GCNT4: variants seen among roughly 807,000 people sequenced by gnomAD.
GCNT4 encodes glucosaminyl (N-acetyl) transferase 4.
GCNT4 carries 17 observed loss-of-function variants against 31.3 expected under a neutral mutation model. The observed-to-expected ratio is 0.54, with a 90% CI of 0.37 to 0.81. The LOEUF (loss-of-function observed/expected upper bound fraction) is 0.81, where lower values mean the gene tolerates loss of function less well. Among genes scored for constraint, GCNT4 ranks in the 40% least tolerant of loss-of-function variants. The pLI, the probability that GCNT4 is intolerant of heterozygous loss-of-function variation, is 0.00. For synonymous variants in GCNT4, 158 were observed against 190.6 expected, an observed-to-expected ratio of 0.83 and a Z score of 1.41; for missense variants, 503 against 525.5, an observed-to-expected ratio of 0.96 and a Z score of 0.42.
intron 3 of GCNT4, among the ~76,000 whole-genome samples, chr5:75,035,811 T>C (rs1002411562): frequency 1.3e-5 from 2 of 152,224 alleles, no homozygotes; most frequent in African/African-American, 4.8e-5. Context: ...CTGGAAAATC[T>C]GAGATGATTA....
At chr5:75,053,973 G>T (rs1743652398), upstream of GCNT4, among the ~76,000 whole-genome samples, 1 of 152,096 alleles carries the variant, frequency 6.6e-6, no homozygotes, top group Admixed American at 6.5e-5. Flanking sequence ...TTTTCTCCTT[G>T]AACGCCGGGC....
At chr5:75,053,163 G>T (rs1280923712), upstream of GCNT4, among the ~76,000 whole-genome samples, 1 of 151,780 alleles carries the variant, frequency 6.6e-6, no homozygotes, top group Non-Finnish European at 1.5e-5. Context: ...GCGTCTGGCC[G>T]CAGGCGGCGG....
chr5:75,033,793 C>T (rs969268734), intron 3 of GCNT4, among the ~76,000 whole-genome samples: 4 of 151,894 alleles, frequency 2.6e-5, no homozygotes, highest in Non-Finnish European at 5.9e-5. Flanking sequence ...AGGTTTTAAG[C>T]CCCGAATGCA....
chr5:75,038,640 G>A (rs752659344), intron 3 of GCNT4, among the ~76,000 whole-genome samples: 25 of 152,180 alleles, frequency 1.6e-4, no homozygotes, highest in Non-Finnish European at 3.4e-4. Flanking sequence ...ACATGGCAAA[G>A]GGCAGACGGG....
chr5:75,050,320 C>T (rs1204742863), intron 2 of GCNT4, among the ~76,000 whole-genome samples: 2 of 152,198 alleles, frequency 1.3e-5, no homozygotes, highest in East Asian at 3.8e-4. Flanking sequence ...AAAATACCAT[C>T]GCAATCCAAG....
intron 3 of GCNT4, chr5:75,030,358 G>A (rs1743035123): frequency 4.1e-6 from 1 of 244,758 alleles, no homozygotes; most frequent in African/African-American, 2.3e-5. Flanking sequence ...CATATTTGAG[G>A]AGGGATTGCT....
Position 75,028,488 on chromosome 5 carries a change from A to T in GCNT4, c.*188T>A, listed in dbSNP as rs949088220. On this transcript the variant is annotated 3_prime_UTR_variant, in exon 4 of 4. Coordinates refer to ENST00000652361, the MANE Select transcript of GCNT4 (RefSeq NM_001366737.1). ...GAGATTACAAGCAAAAACAAATATT[A>T]AAAAAACCTAGCCAACTGCAGGCTA... is the stretch of plus-strand genomic sequence containing the variant. 21 of 567,894 alleles carry T rather than the reference A, an allele frequency of 3.7e-5. No individual in the cohort carries two copies. Among genetic ancestry groups the T allele is most frequent in the African/African-American group, 3.6e-4 (19 of 52,314 alleles). The allele number at this position is 567,894 out of a possible 1,614,324, so 35.2% of individuals were successfully genotyped here.
upstream of GCNT4, among the ~76,000 whole-genome samples, chr5:75,053,308 G>A (rs879492445): frequency 1.3e-5 from 2 of 152,020 alleles, no homozygotes; most frequent in Non-Finnish European, 2.9e-5. Flanking sequence ...AGAGGCCGGG[G>A]TTCAGCCCGG....
chr5:75,020,117 CCAGGCCAGAG>C, the GCNT4 span, among the ~76,000 whole-genome samples: 1 of 152,292 alleles, frequency 6.6e-6, no homozygotes, highest in African/African-American at 2.4e-5. Context: ...AGGTGGACAT[CCAGGCCAGAG>C]TGACTCAGCG....
At chr5:75,017,743 G>A in the GCNT4 span, among the ~76,000 whole-genome samples, 8 of 152,176 alleles carry the variant, frequency 5.3e-5, no homozygotes, top group East Asian at 1.9e-4. Flanking sequence ...CGCACCTTCC[G>A]CCCGCCAGGA....
rs78664563 is a variant in GCNT4, at chr5:75,050,055, CTG to C, written c.-142-2020_-142-2019del. Among the ~76,000 whole-genome samples the C allele has an allele frequency of 1.3e-3, 192 of 152,326 alleles. 3 individuals are homozygous for C. The East Asian group carries it at 0.031, about 24-fold the overall frequency. On this transcript the variant is annotated intron_variant, in intron 2 of 3. Coordinates refer to ENST00000652361, the MANE Select transcript of GCNT4 (RefSeq NM_001366737.1). ...TGGTGCCGTTTCAGAGACCAGGAAA[CTG>C]AGACAGGAATGTCAGGAAGCTTGGG... is the stretch of plus-strand genomic sequence containing the variant.
At position 75,025,884 on chromosome 5, in the gene GCNT4, CTG is replaced by C. The variant is rs1742937114; in HGVS notation, c.*2790_*2791del. On this transcript the variant is annotated 3_prime_UTR_variant, in exon 4 of 4. Transcript: ENST00000652361. ...AAACTCTAAGGTTCTGGTCTGATCT[CTG>C]AATAACTTAAAGTCTAGATTCAATA... The C allele has an allele frequency of 6.6e-6, 1 of 152,128 alleles. No individual in the cohort carries two copies. 9.4% of individuals were successfully genotyped at this position (152,128 alleles called of 1,614,324 possible).
At chr5:75,038,655 G>T (rs971554449) in intron 3 of GCNT4, among the ~76,000 whole-genome samples, 1 of 152,138 alleles carries the variant, frequency 6.6e-6, no homozygotes, top group African/African-American at 2.4e-5. Context: ...GACGGGCAAA[G>T]GGGGGGAGAG....
intron 3 of GCNT4, among the ~76,000 whole-genome samples, chr5:75,046,706 C>T (rs748577192): frequency 3.3e-5 from 5 of 152,158 alleles, no homozygotes; most frequent in Admixed American, 6.5e-5. Flanking sequence ...CAAGAGAAGA[C>T]GGGGTTGCAC....
rs1216102617 is a variant in GCNT4 at position 75,029,277 on chromosome 5, G to A, written c.761C>T (p.Thr254Met). 14 of 1,613,926 alleles carry A rather than the reference G, an allele frequency of 8.7e-6. No individual in the cohort carries two copies. The highest frequency in any genetic ancestry group is 1.1e-5 in the South Asian group (1 of 91,080). ...CAATTTACTGTTTGGGGGTTTCACC[G>A]TCTCCAACATATTTGCTCCATTGAG... ...KKLNGANMLE[T>M]VKPPNSKLER... Residue 254 changes from threonine (T) to methionine (M), a missense_variant, in exon 4 of 4, where the codon ACG becomes ATG. Coordinates refer to ENST00000652361, the MANE Select transcript of GCNT4 (RefSeq NM_001366737.1).
At position 75,033,653 on chromosome 5, in the gene GCNT4, CTTTA is replaced by C. The variant is rs1192887494; in HGVS notation, c.-1-3619_-1-3616del. Among the ~76,000 whole-genome samples the C allele has an allele frequency of 1.3e-4, 20 of 149,898 alleles. 1 individual carries two copies. The highest frequency in any genetic ancestry group is 8.5e-4 in the South Asian group (4 of 4,704). On this transcript the variant is annotated intron_variant, in intron 3 of 3. Transcript: ENST00000652361. ...ACCTGCTTACCACGGCCAGAAATCC[CTTTA>C]TTTATTTATTTATTTATTTTTTTTT... is the stretch of plus-strand genomic sequence containing the variant.
At chr5:75,044,931 C>T (rs1488035352) in intron 3 of GCNT4, among the ~76,000 whole-genome samples, 2 of 151,944 alleles carry the variant, frequency 1.3e-5, no homozygotes, top group East Asian at 3.9e-4. Context: ...AAGTCTCTGC[C>T]CCATATTAGG....
At position 75,028,713 on chromosome 5, in the gene GCNT4, T is replaced by TCTATCCATAAA; in HGVS notation, c.1324_1325insTTTATGGATAG (p.Lys442IlefsTer4). 1 of 1,613,374 alleles carries TCTATCCATAAA rather than the reference T, an allele frequency of 6.2e-7. No individual in the cohort carries two copies. On this transcript the variant is annotated stop_gained and frameshift_variant, in exon 4 of 4. Coordinates refer to ENST00000652361, the MANE Select transcript of GCNT4 (RefSeq NM_001366737.1). LOFTEE classifies it low-confidence loss of function (END_TRUNC). ...AGTGAGATTTCTATCCATAAATAAC[T>TCTATCCATAAA]TTTCTGAGGGCAAAGTGATCCAGTC...
At position 75,025,448 on chromosome 5, in the gene GCNT4, T is replaced by C. The variant is rs1742930955; in HGVS notation, c.*3228A>G. ...ACCAATCTATTTAAAACTCATGTAA[T>C]GGGAACTGTATTTCAAAAATGATAA... On this transcript the variant is annotated 3_prime_UTR_variant, in exon 4 of 4. Coordinates refer to ENST00000652361, the MANE Select transcript of GCNT4 (RefSeq NM_001366737.1). The C allele has an allele frequency of 6.6e-6, 1 of 152,198 alleles. No individual in the cohort carries two copies. The highest frequency in any genetic ancestry group is 2.4e-5 in the African/African-American group (1 of 41,456). The allele number at this position is 152,198 out of a possible 1,614,324, so 9.4% of individuals were successfully genotyped here.
Sources: gnomAD v4.1 joint callset for allele counts (sites outside exome capture counted in the v4.1 genomes callset) on GRCh38, gnomAD v4.1.1 for gene constraint, MANE v1.5 for transcripts, NCBI Gene and HGNC (gene_info 2026-07-23, HGNC 2026-07-21) for gene names.